The following THSD4 variants were observed in gnomAD, a reference collection of about 807,000 sequenced individuals.
The protein encoded by THSD4 is thrombospondin type-1 domain-containing protein 4.
THSD4 carries 69 observed loss-of-function variants against 119.0 expected under a neutral mutation model. The ratio of observed to expected loss-of-function variants is 0.58; its 90% CI spans 0.48 to 0.71. The LOEUF (loss-of-function observed/expected upper bound fraction) is 0.71, where lower values mean the gene tolerates loss of function less well. Among genes scored for constraint, THSD4 ranks in the 30% least tolerant of loss-of-function variants. The pLI, the probability that THSD4 is intolerant of heterozygous loss-of-function variation, is 0.00. For missense variants in THSD4, 1,393 were observed against 1,391.1 expected (o/e 1.00, Z -0.02); for synonymous variants, 524 against 540.4 (o/e 0.97, Z 0.42).
intron 7 of THSD4, among the ~76,000 whole-genome samples, chr15:71,490,342 C>T (rs2047896006): frequency 6.6e-6 from 1 of 152,078 alleles, no homozygotes; most frequent in African/African-American, 2.4e-5. Flanking sequence ...AGGCAGATCA[C>T]AAGGTCAGGA....
intron 7 of THSD4, among the ~76,000 whole-genome samples, chr15:71,581,986 T>G (rs2049568287): frequency 6.6e-6 from 1 of 152,220 alleles, no homozygotes; most frequent in Non-Finnish European, 1.5e-5. Context: ...GCTTTGGCTA[T>G]ACAGGATTTT....
chr15:71,421,309 C>A (rs879731692), intron 7 of THSD4, among the ~76,000 whole-genome samples: 2,653 of 67,170 alleles, frequency 0.039, 62 homozygotes, highest in East Asian at 0.056. Context: ...CATTTTCTTT[C>A]TAGTCTCTTT....
Position 71,660,600 on chromosome 15 carries a change from A to G in THSD4, c.1223A>G (p.Asn408Ser). 1 of 1,614,156 alleles carries G rather than the reference A, an allele frequency of 6.2e-7. No homozygotes were observed. Among genetic ancestry groups the G allele is most frequent in the Non-Finnish European group, 8.5e-7 (1 of 1,180,022 alleles). ...VDKCGVCGGD[N>S]TGCQVVSGVF... ...AAATGTGGGGTGTGTGGAGGAGACAACACGGGCTGTCAGGTTGTGTCGGGC... is the reference window on the plus strand; with the variant it reads ...AAATGTGGGGTGTGTGGAGGAGACAGCACGGGCTGTCAGGTTGTGTCGGGC... Residue 408 changes from asparagine to serine, a missense_variant, in exon 8 of 18, where the codon AAC becomes AGC. Asn to Ser is a conservative substitution (Grantham distance 46). Transcript: ENST00000261862.
intron 14 of THSD4, among the ~76,000 whole-genome samples, chr15:71,753,164 C>G (rs186354227): frequency 6.6e-6 from 1 of 152,300 alleles, no homozygotes; most frequent in African/African-American, 2.4e-5. Flanking sequence ...TGTTAAACTT[C>G]TAGGGACACA....
intron 6 of THSD4, among the ~76,000 whole-genome samples, chr15:71,406,722 C>CAGGCTGG (rs2046614554): frequency 6.6e-6 from 1 of 150,684 alleles, no homozygotes; most frequent in Admixed American, 6.6e-5. Flanking sequence ...CTCTGTCACC[C>CAGGCTGG]AGGCTGGAGT....
chr15:71,183,993 G>C (rs2141427921), intron 3 of THSD4: 1 of 151,942 alleles, frequency 6.6e-6, no homozygotes, highest in East Asian at 1.9e-4. Flanking sequence ...TCCGCCTGCA[G>C]AGGTGGCACT....
rs529509337 is a variant in THSD4 at position 71,697,620 on chromosome 15, TAGAAA to T, written c.1358-30923_1358-30919del. On this transcript the variant is annotated intron_variant, in intron 8 of 17. Coordinates refer to ENST00000261862, the MANE Select transcript of THSD4 (RefSeq NM_024817.3). Reference sequence around the variant, plus strand: ...GGACATGTGGTGATTATGGACATCATAGAAAAGAAATGCTGTAGAATTCAGATCAG... The same window carrying T: ...GGACATGTGGTGATTATGGACATCATAGAAATGCTGTAGAATTCAGATCAG... Among the ~76,000 whole-genome samples the T allele has an allele frequency of 6.1e-4, 93 of 152,296 alleles. 1 individual carries two copies. The South Asian group carries it at 0.019, about 31-fold the overall frequency.
At chr15:71,126,846 A>G (rs2040460372) in intron 1 of THSD4, among the ~76,000 whole-genome samples, 1 of 152,244 alleles carries the variant, frequency 6.6e-6, no homozygotes, top group Non-Finnish European at 1.5e-5. Flanking sequence ...ATTATGGGGC[A>G]CAAAGTGATG....
At chr15:71,652,610 A>G (rs1025771273) in intron 7 of THSD4, among the ~76,000 whole-genome samples, 1 of 152,192 alleles carries the variant, frequency 6.6e-6, no homozygotes, top group Non-Finnish European at 1.5e-5. Context: ...TATCTTACAG[A>G]ATATGATATG....
Position 71,736,301 on chromosome 15 carries a change from CCTG to C in THSD4, c.1631-1428_1631-1426del, listed in dbSNP as rs902832877. 2.6e-5 allele frequency among the ~76,000 whole-genome samples: 4 copies of C among 151,774 alleles called. No individual in the cohort carries two copies. In the South Asian group the frequency reaches 8.4e-4, roughly 32 times the overall value. ...TCTGTCTCTCTCGCTCTCTGTCTCT[CCTG>C]CTCTCTGTCTGTGTCTCTCTCTTGC... On this transcript the variant is annotated intron_variant, in intron 10 of 17. Transcript: ENST00000261862.
In THSD4 at chr15:71,601,935, T is replaced by C. The variant is rs922855280; in HGVS notation, c.1153-58595T>C. Among the ~76,000 whole-genome samples the C allele has an allele frequency of 1.5e-4, 23 of 152,222 alleles. 1 individual carries two copies. Among genetic ancestry groups the C allele is most frequent in the African/African-American group, 4.6e-4 (19 of 41,458 alleles). ...ATATTGGAAATGTTTAAAGTTAGAC[T>C]GAAAGGGCTTTTTTTCTCTTCAGGG... On this transcript the variant is annotated intron_variant, in intron 7 of 17. Transcript: ENST00000261862.
chr15:71,747,094 A>C, intron 13 of THSD4, 52 bp downstream of exon 13: 1 of 1,532,758 alleles, frequency 6.5e-7, no homozygotes, highest in Non-Finnish European at 8.8e-7. Flanking sequence ...CTCCCACCAC[A>C]CTTTCCAGCC....
chr15:71,442,660 G>GTGTATGTATGTGTA, intron 7 of THSD4, among the ~76,000 whole-genome samples: 1 of 25,818 alleles, frequency 3.9e-5, no homozygotes, highest in Non-Finnish European at 9.2e-5. Flanking sequence ...GTGTGTGTGT[G>GTGTATGTATGTGTA]TATATATATA....
chr15:71,681,477 G>A (rs1178075074), intron 8 of THSD4, among the ~76,000 whole-genome samples: 4 of 151,752 alleles, frequency 2.6e-5, no homozygotes, highest in Non-Finnish European at 5.9e-5. Context: ...AGGCGTTCCA[G>A]ACCAGCCTGG....
intron 7 of THSD4, among the ~76,000 whole-genome samples, chr15:71,612,272 G>A (rs2050244922): frequency 6.6e-6 from 1 of 152,190 alleles, no homozygotes; most frequent in African/African-American, 2.4e-5. Context: ...ATGTAATGAG[G>A]CTCTCTGAGG....
chr15:71,731,001 T>C (rs2052966691), intron 9 of THSD4, 120 bp from the exon 10 acceptor site: 1 of 792,978 alleles, frequency 1.3e-6, no homozygotes, highest in South Asian at 1.6e-5. Context: ...CTGATATTAC[T>C]GGATGCGTAC....
At chr15:71,685,153 T>A (rs2051880718) in intron 8 of THSD4, among the ~76,000 whole-genome samples, 1 of 152,028 alleles carries the variant, frequency 6.6e-6, no homozygotes, top group South Asian at 2.1e-4. Context: ...TTTTCTTTCT[T>A]GAATTCACAT....
intron 1 of THSD4, among the ~76,000 whole-genome samples, chr15:71,130,128 C>T (rs1057466305): frequency 4.6e-5 from 7 of 152,174 alleles, no homozygotes; most frequent in African/African-American, 1.4e-4. Flanking sequence ...AATGTGAACA[C>T]AGGCAACTCT....
At chr15:71,201,219 GC>G (rs933085517) in intron 3 of THSD4, among the ~76,000 whole-genome samples, 14 of 152,242 alleles carry the variant, frequency 9.2e-5, no homozygotes, top group African/African-American at 3.1e-4. Context: ...AGAAGAAAGG[GC>G]CAGGAGGATG....
Sources: gnomAD v4.1 joint callset for allele counts (sites outside exome capture counted in the v4.1 genomes callset) on GRCh38, gnomAD v4.1.1 for gene constraint, MANE v1.5 for transcripts, NCBI Gene and HGNC (gene_info 2026-07-23, HGNC 2026-07-21) for gene names.